IQGAP2: variants seen among roughly 807,000 people sequenced by gnomAD.
IQGAP2 encodes the protein ras GTPase-activating-like protein IQGAP2.
A neutral mutation model predicts 201.3 loss-of-function variants in IQGAP2; 173 were observed. That is an observed-to-expected ratio of 0.86 (90% CI 0.76 to 0.98). The LOEUF is 0.98. IQGAP2 is among the 50% of genes least tolerant of loss of function. IQGAP2 has a pLI of 0.00. For missense variants in IQGAP2, 1,687 were observed against 1,864.8 expected (o/e 0.90, Z 1.76); for synonymous variants, 675 against 673.9 (o/e 1.00, Z -0.03).
chr5:76,700,675 C>G (rs1322388428), intron 33 of IQGAP2, among the ~76,000 whole-genome samples: 1 of 152,198 alleles, frequency 6.6e-6, no homozygotes, highest in Non-Finnish European at 1.5e-5. Flanking sequence ...TAGAACAATG[C>G]TAGCCACATA....
Position 76,583,897 on chromosome 5 carries a change from G to C in IQGAP2, c.459-5009G>C, listed in dbSNP as rs185747072. 1.2e-4 allele frequency among the ~76,000 whole-genome samples: 18 copies of C among 151,060 alleles called. 1 individual carries two copies. The highest frequency in any genetic ancestry group is 9.2e-4 in the Admixed American group (14 of 15,190). Reference sequence around the variant, plus strand: ...AAATTTTTTTTTTTTTTGAGACACAGAGTCTTGCTCTGTTGCCCAGGATGG... The same window carrying C: ...AAATTTTTTTTTTTTTTGAGACACACAGTCTTGCTCTGTTGCCCAGGATGG... On this transcript the variant is annotated intron_variant, in intron 5 of 35. Coordinates refer to ENST00000274364, the MANE Select transcript of IQGAP2 (RefSeq NM_006633.5).
intron 2 of IQGAP2, among the ~76,000 whole-genome samples, chr5:76,528,502 A>G (rs1003826323): frequency 6.6e-6 from 1 of 152,202 alleles, no homozygotes; most frequent in Non-Finnish European, 1.5e-5. Context: ...ACCAGCATCA[A>G]GTGTGCCTCT....
At chr5:76,668,959 T>G (rs1407939606) in intron 23 of IQGAP2, 115 bp downstream of exon 23, 5 of 603,892 alleles carry the variant, frequency 8.3e-6, no homozygotes, top group African/African-American at 1.9e-5. Context: ...TCCCACATAT[T>G]AAAATATATC....
intron 2 of IQGAP2, among the ~76,000 whole-genome samples, chr5:76,503,254 ACCTCCC>A (rs1757394968): frequency 7.4e-6 from 1 of 135,218 alleles, no homozygotes; most frequent in East Asian, 2.1e-4. Flanking sequence ...GCTAACTGCA[ACCTCCC>A]CCTCCCGGGT....
intron 28 of IQGAP2, among the ~76,000 whole-genome samples, chr5:76,680,100 C>T (rs567725761): frequency 6.6e-6 from 1 of 152,202 alleles, no homozygotes; most frequent in Non-Finnish European, 1.5e-5. Context: ...TAGAAGAGAA[C>T]GGAAAAGGCA....
chr5:76,546,986 C>T (rs1222444827), intron 2 of IQGAP2, among the ~76,000 whole-genome samples: 2 of 152,112 alleles, frequency 1.3e-5, no homozygotes, highest in Admixed American at 6.5e-5. Flanking sequence ...CTGTTTGTCA[C>T]TTCCTTGGTA....
At position 76,403,853 on chromosome 5, in the gene IQGAP2, G is replaced by A. The variant is rs1041061759; in HGVS notation, c.46+262G>A. ...TACCCAAACGGGGTGCGCGGGCAGT[G>A]CGGGGATTGCGCTCTGGGACAGACC... On this transcript the variant is annotated intron_variant, in intron 1 of 35. Transcript: ENST00000274364. This position sits in a 1 kb window ranked among gnomAD's most constrained non-coding sequence, Gnocchi z 4.8. Among the ~76,000 whole-genome samples the A allele has an allele frequency of 6.6e-6, 1 of 152,152 alleles. No homozygotes were observed. The highest frequency in any genetic ancestry group is 2.4e-5 in the African/African-American group (1 of 41,448).
At chr5:76,470,019 T>C (rs979704949) in intron 2 of IQGAP2, among the ~76,000 whole-genome samples, 2 of 152,208 alleles carry the variant, frequency 1.3e-5, no homozygotes, top group Non-Finnish European at 2.9e-5. Flanking sequence ...CTCACAAAGC[T>C]GCAGTCATCT....
chr5:76,456,728 T>C lies in IQGAP2; in HGVS notation c.47-4842T>C, dbSNP rs188256467. 6.6e-5 allele frequency among the ~76,000 whole-genome samples: 10 copies of C among 152,314 alleles called. No individual in the cohort carries two copies. The East Asian group carries it at 1.9e-3, about 29-fold the overall frequency. On this transcript the variant is annotated intron_variant, in intron 1 of 35. Transcript: ENST00000274364. ...TGAACAATTGAAATGAATTATCTAT[T>C]CAAGTATACTTAGGATTCCTTGTAG...
intron 2 of IQGAP2, among the ~76,000 whole-genome samples, chr5:76,527,965 T>C (rs1435585397): frequency 1.3e-5 from 2 of 152,216 alleles, no homozygotes; most frequent in African/African-American, 2.4e-5. Flanking sequence ...CAGATGCACA[T>C]GCTGATGTCA....
chr5:76,615,879 C>T (rs1748913745), intron 13 of IQGAP2: 1 of 152,646 alleles, frequency 6.6e-6, no homozygotes, highest in African/African-American at 2.4e-5. Flanking sequence ...AGCTTCCTTA[C>T]TTTTTTGTAT....
intron 15 of IQGAP2, among the ~76,000 whole-genome samples, chr5:76,634,480 G>A (rs551795746): frequency 1.3e-5 from 2 of 152,056 alleles, no homozygotes; most frequent in Non-Finnish European, 2.9e-5. Flanking sequence ...GGTTGGTCTC[G>A]AACTCCTGAC....
intron 2 of IQGAP2, among the ~76,000 whole-genome samples, chr5:76,520,447 C>T (rs1163225756): frequency 6.6e-6 from 1 of 152,168 alleles, no homozygotes; most frequent in Admixed American, 6.5e-5. Flanking sequence ...CAAGCGTGAG[C>T]CACCGCGCCC....
intron 13 of IQGAP2, chr5:76,617,727 T>A (rs202042154): frequency 6.2e-7 from 1 of 1,614,042 alleles, no homozygotes; most frequent in East Asian, 2.2e-5. Context: ...GTAGTAGTAG[T>A]TAGCATGGTG....
At chr5:76,468,069 ACT>A (rs548383481) in intron 2 of IQGAP2, among the ~76,000 whole-genome samples, 104 of 152,304 alleles carry the variant, frequency 6.8e-4, no homozygotes, top group African/African-American at 2.4e-3. Context: ...ACTAAGAACC[ACT>A]GAGTTGTTTA....
chr5:76,560,343 A>G (rs1478822449), intron 2 of IQGAP2, among the ~76,000 whole-genome samples: 1 of 144,314 alleles, frequency 6.9e-6, no homozygotes, highest in African/African-American at 2.6e-5. Context: ...TTTTTAAGAG[A>G]GCCAGGGCCT....
intron 2 of IQGAP2, among the ~76,000 whole-genome samples, chr5:76,505,309 G>A (rs1757551806): frequency 6.6e-6 from 1 of 152,182 alleles, no homozygotes; most frequent in South Asian, 2.1e-4. Flanking sequence ...TTTAATCCAG[G>A]AAACCGTCGA....
chr5:76,641,393 A>G (rs1171716289), intron 17 of IQGAP2, among the ~76,000 whole-genome samples: 1 of 152,176 alleles, frequency 6.6e-6, no homozygotes, highest in Non-Finnish European at 1.5e-5. Flanking sequence ...CTTGGATCAG[A>G]GTTGAAATCA....
At chr5:76,666,968 A>G (rs1047438471) in intron 22 of IQGAP2, among the ~76,000 whole-genome samples, 1 of 152,110 alleles carries the variant, frequency 6.6e-6, no homozygotes, top group South Asian at 2.1e-4. Context: ...CTGATCTCAA[A>G]CACCTGAGCT....
Sources: gnomAD v4.1 joint callset for allele counts (sites outside exome capture counted in the v4.1 genomes callset) on GRCh38, gnomAD v4.1.1 for gene constraint, Gnocchi (gnomAD v3.1) non-coding constraint, MANE v1.5 for transcripts, NCBI Gene and HGNC (gene_info 2026-07-23, HGNC 2026-07-21) for gene names.